Variants in FANCM observed in about 807,000 individuals in gnomAD.
FANCM encodes FA complementation group M.
FANCM carries 140 observed loss-of-function variants against 199.5 expected under a neutral mutation model. That is an observed-to-expected ratio of 0.70 (90% CI 0.61 to 0.81). The LOEUF (loss-of-function observed/expected upper bound fraction) is 0.81. Among genes scored for constraint, FANCM ranks in the 30% least tolerant of loss-of-function variants. The pLI is 0.00. For missense variants in FANCM, 2,410 were observed against 2,421.4 expected (o/e 1.00, Z 0.10); for synonymous variants, 840 against 836.8 (o/e 1.00, Z -0.07).
intron 14 of FANCM, among the ~76,000 whole-genome samples, chr14:45,177,409 G>T (rs1420647736): frequency 6.6e-6 from 1 of 151,482 alleles, no homozygotes; most frequent in Non-Finnish European, 1.5e-5. Context: ...TGTTTTTTTT[G>T]AGACGGAGTT....
chr14:45,141,205 G>A lies in FANCM; in HGVS notation c.759+496G>A, dbSNP rs1025908912. On this transcript the variant is annotated intron_variant, in intron 3 of 22. Coordinates refer to ENST00000267430, the MANE Select transcript of FANCM (RefSeq NM_020937.4). ...CAGGAGGCTGAGGCAGGAGAATGGC[G>A]TGAACTCGGGAGGCGGAGCTTGCAA... 2.7e-5 allele frequency among the ~76,000 whole-genome samples: 4 copies of A among 149,840 alleles called. No homozygotes were observed. In the East Asian group the frequency reaches 6.0e-4, roughly 22 times the overall value.
chr14:45,194,638 A>G (rs1417089579), intron 20 of FANCM, among the ~76,000 whole-genome samples: 1 of 152,122 alleles, frequency 6.6e-6, no homozygotes, highest in Non-Finnish European at 1.5e-5. Context: ...CAACATTTCC[A>G]TATTGATGCG....
intron 14 of FANCM, among the ~76,000 whole-genome samples, chr14:45,180,205 A>C (rs1888977934): frequency 6.6e-6 from 1 of 152,186 alleles, no homozygotes; most frequent in South Asian, 2.1e-4. Context: ...TGTTACCTCA[A>C]GGTTTCTATA....
chr14:45,145,071 C>G (rs1224642120), intron 3 of FANCM, among the ~76,000 whole-genome samples: 1 of 151,932 alleles, frequency 6.6e-6, no homozygotes, highest in African/African-American at 2.4e-5. Flanking sequence ...GGACTGTGTT[C>G]TTCCCTTCAA....
At chr14:45,179,269 A>G (rs954233719) in intron 14 of FANCM, among the ~76,000 whole-genome samples, 1 of 152,116 alleles carries the variant, frequency 6.6e-6, no homozygotes, top group Non-Finnish European at 1.5e-5. Context: ...ACAATCTTTG[A>G]TTTTTAAGGA....
At chr14:45,196,704 C>T in intron 21 of FANCM, among the ~76,000 whole-genome samples, 157 bp downstream of exon 21, 1 of 152,134 alleles carries the variant, frequency 6.6e-6, no homozygotes, top group East Asian at 1.9e-4. Context: ...TAATGGCTTT[C>T]ATTAGTCATT....
rs1889219103 is a variant in FANCM, at chr14:45,183,862, GA to G, written c.4477del (p.Arg1493GlufsTer12). On this transcript the variant is annotated frameshift_variant, in exon 17 of 23. Coordinates refer to ENST00000267430, the MANE Select transcript of FANCM (RefSeq NM_020937.4). LOFTEE classifies it high-confidence loss of function. ...TTCAAGGTTTGTAACGGGAATGCCA[GA>G]AGAGGCATCAAAGTCCCAAAGAGAC... is the stretch of plus-strand genomic sequence containing the variant. Reference protein sequence around the residue: ...EDFKVCNGNARRGIKVPKRQS... With the variant: ...EDFKVCNGNAXRGIKVPKRQS... The G allele has an allele frequency of 6.2e-7, 1 of 1,611,900 alleles. No individual in the cohort carries two copies. Among genetic ancestry groups the G allele is most frequent in the Non-Finnish European group, 8.5e-7 (1 of 1,178,326 alleles).
At chr14:45,154,607 C>A in intron 6 of FANCM, 90 bp from the exon 7 acceptor site, 1 of 949,816 alleles carries the variant, frequency 1.1e-6, no homozygotes. Context: ...AACTTACATT[C>A]ATTGCTAAAG....
chr14:45,151,581 A>C (rs535244117), intron 5 of FANCM, 53 bp downstream of exon 5: 4 of 1,501,310 alleles, frequency 2.7e-6, no homozygotes, highest in Admixed American at 1.7e-5. Flanking sequence ...ACTGAAAGCC[A>C]GGATAAAACA....
chr14:45,136,683 G>T (rs185595769), intron 1 of FANCM, 144 bp downstream of exon 1: 2 of 795,264 alleles, frequency 2.5e-6, no homozygotes, highest in Non-Finnish European at 4.2e-6. Context: ...TGATGAATAG[G>T]GTTGCTTTAT....
intron 1 of FANCM, 44 bp from the exon 2 acceptor site, chr14:45,137,025 A>G: frequency 7.1e-7 from 1 of 1,403,392 alleles, no homozygotes; most frequent in Non-Finnish European, 1.0e-6. Flanking sequence ...TTTTATAGAT[A>G]ACAGTCTGAA....
chr14:45,165,918 T>G (rs938747694), intron 10 of FANCM, among the ~76,000 whole-genome samples: 19 of 152,174 alleles, frequency 1.2e-4, no homozygotes, highest in Admixed American at 7.2e-4. Context: ...GGAGTAACGC[T>G]TTTGTTGTAT....
At position 45,175,709 on chromosome 14, in the gene FANCM, G is replaced by C; in HGVS notation, c.2955G>C (p.Glu985Asp). The C allele has an allele frequency of 6.2e-7, 1 of 1,613,706 alleles. No individual in the cohort carries two copies. Among genetic ancestry groups the C allele is most frequent in the Non-Finnish European group, 8.5e-7 (1 of 1,179,812 alleles). ...ATAATTGTCACTCATTGACAAAAGA[G>C]GTACTAGCTAATGTAGAGAGATTTT... ...QFYNCHSLTKEVLANVERFLS... is the reference protein window; with the variant it reads ...QFYNCHSLTKDVLANVERFLS... The change falls in exon 14 of 23, where the codon GAG becomes GAC. Residue 985 changes from glutamate to aspartate, a missense_variant. Glu to Asp is a conservative substitution (Grantham distance 45, BLOSUM62 2). Coordinates refer to ENST00000267430, the MANE Select transcript of FANCM (RefSeq NM_020937.4).
In FANCM at chr14:45,175,432, A is replaced by G. The variant is rs1023555775; in HGVS notation, c.2678A>G (p.Asp893Gly). 3.8e-6 allele frequency: 6 copies of G among 1,589,880 alleles called. No individual in the cohort carries two copies. The highest frequency in any genetic ancestry group is 5.1e-6 in the Non-Finnish European group (6 of 1,169,062). Residue 893 changes from aspartate to glycine, a missense_variant, in exon 14 of 23, where the codon GAC becomes GGC. By Grantham distance (94) the Asp-to-Gly change is moderately conservative. Coordinates refer to ENST00000267430, the MANE Select transcript of FANCM (RefSeq NM_020937.4). ...ACTGTTGAAAATATTTTTCAAGAAG[A>G]CCTACCAAATGATAAAAGGACATCA... ...NSTVENIFQE[D>G]LPNDKRTSDT...
chr14:45,177,030 A>G, intron 14 of FANCM, 54 bp downstream of exon 14: 1 of 1,177,840 alleles, frequency 8.5e-7, no homozygotes, highest in Non-Finnish European at 1.3e-6. Context: ...ATTACTCTAG[A>G]AATACTTTGG....
chr14:45,171,661 C>CT (rs1333148930), intron 12 of FANCM, among the ~76,000 whole-genome samples: 1 of 149,968 alleles, frequency 6.7e-6, no homozygotes, highest in Non-Finnish European at 1.5e-5. Context: ...TAATTTCATT[C>CT]TTTTTTTTAT....
chr14:45,139,227 T>C (rs1355888820), intron 2 of FANCM, among the ~76,000 whole-genome samples: 4 of 152,232 alleles, frequency 2.6e-5, no homozygotes, highest in African/African-American at 9.6e-5. Flanking sequence ...ATAATTTTAC[T>C]TGTTTCTGAA....
At chr14:45,141,115 G>A (rs1351058315) in intron 3 of FANCM, among the ~76,000 whole-genome samples, 1 of 151,606 alleles carries the variant, frequency 6.6e-6, no homozygotes, top group Non-Finnish European at 1.5e-5. Context: ...GGTGAAACCC[G>A]GTGTCTACCA....
Position 45,176,095 on chromosome 14 carries a change from A to G in FANCM, c.3341A>G (p.Asn1114Ser). The G allele has an allele frequency of 6.2e-7, 1 of 1,614,108 alleles. No homozygotes were observed. The highest frequency in any genetic ancestry group is 8.5e-7 in the Non-Finnish European group (1 of 1,179,966). The part of the protein sequence containing the change: ...RSPAQNLVGE[N>S]NHDVDNSDLP... ...CCTGCACAGAATTTAGTTGGAGAGA[A>G]CAATCATGATGTTGATAACAGTGAC... Residue 1114 changes from asparagine to serine, a missense_variant, in exon 14 of 23, where the codon AAC becomes AGC. Physicochemically the swap from Asn to Ser is conservative, Grantham distance 46. Coordinates refer to ENST00000267430, the MANE Select transcript of FANCM (RefSeq NM_020937.4).
Sources: allele counts gnomAD v4.1 joint callset (sites outside exome capture counted in the v4.1 genomes callset), GRCh38; gene constraint gnomAD v4.1.1; transcripts MANE v1.5; gene names NCBI Gene and HGNC (gene_info 2026-07-23, HGNC 2026-07-21).